MAP3K15: variants seen among roughly 807,000 people sequenced by gnomAD.
MAP3K15 encodes mitogen-activated protein kinase kinase kinase 15, also known as MAPK/ERK kinase kinase 15.
In MAP3K15, 124 loss-of-function variants were observed where a neutral mutation model predicts 99.5. That is an observed-to-expected ratio of 1.25 (90% CI 1.08 to 1.45). The LOEUF (loss-of-function observed/expected upper bound fraction) is 1.45. MAP3K15 is among the 40% of genes most tolerant of loss of function. MAP3K15 has a pLI of 0.00. For missense variants in MAP3K15, 1,242 were observed against 1,079.7 expected, an observed-to-expected ratio of 1.15 and a Z score of -2.11; for synonymous variants, 494 against 439.6, an observed-to-expected ratio of 1.12 and a Z score of -1.55.
At chrX:19,415,875 G>A (rs1459361866) in intron 9 of MAP3K15, among the ~76,000 whole-genome samples, 1 of 111,709 alleles carries the variant, frequency 9.0e-6, no homozygotes, top group African/African-American at 3.3e-5. Flanking sequence ...GACTGTATAT[G>A]GCACCATTCC....
rs1199372295 is a variant in MAP3K15, at chrX:19,448,843, C to T, written c.995+8070G>A. Among the ~76,000 whole-genome samples, 5 of 109,510 alleles carry T rather than the reference C, an allele frequency of 4.6e-5. No homozygotes were observed. The Admixed American group carries it at 4.8e-4, about 11-fold the overall frequency. Reference sequence around the variant, plus strand: ...AGAAGGGCAATTAACATTCATCCAACATTATCTAGGCACCAGACACTATGC... The same window carrying T: ...AGAAGGGCAATTAACATTCATCCAATATTATCTAGGCACCAGACACTATGC... On this transcript the variant is annotated intron_variant, in intron 6 of 28. Coordinates refer to ENST00000338883, the MANE Select transcript of MAP3K15 (RefSeq NM_001001671.4).
Position 19,515,241 on chromosome X carries a change from A to G in MAP3K15, c.21T>C (p.Asn7=). 2 of 887,306 alleles carry G rather than the reference A, an allele frequency of 2.3e-6. No individual in the cohort carries two copies. The highest frequency in any genetic ancestry group is 2.8e-6 in the Non-Finnish European group (2 of 723,728). The allele number at this position is 887,306 out of a possible 1,213,427, so 73.1% of individuals were successfully genotyped here. ...CCGCCCCGAGGGCCCCGGCCGGAGC[A>G]TTCCCACCGCCGCTCTCCATGTGCC... is the stretch of plus-strand genomic sequence containing the variant. MESGGG[N]APAGALGAAS... The change falls in exon 1 of 29, where the codon AAT becomes AAC. Residue 7 remains asparagine, a synonymous_variant. Coordinates refer to ENST00000338883, the MANE Select transcript of MAP3K15 (RefSeq NM_001001671.4).
chrX:19,513,849 G>A (rs141773145), intron 1 of MAP3K15, among the ~76,000 whole-genome samples: 1,478 of 110,791 alleles, frequency 0.013, 11 homozygotes, highest in Non-Finnish European at 0.021. Flanking sequence ...GGGAAAAAAC[G>A]TCAAGCAACA....
rs376243978 is a variant in MAP3K15 at position 19,380,295 on chromosome X, A to T, written c.2432-18T>A. ...CAGGGTGCCTATTTGGAAAACAAAC[A>T]AACAGGCTGTGGGTACCATATTGCT... is the stretch of plus-strand genomic sequence containing the variant. On this transcript the variant is annotated intron_variant, in intron 18 of 28. Coordinates refer to ENST00000338883, the MANE Select transcript of MAP3K15 (RefSeq NM_001001671.4). 1 of 1,206,586 alleles carries T rather than the reference A, an allele frequency of 8.3e-7. No individual in the cohort carries two copies. Among genetic ancestry groups the T allele is most frequent in the East Asian group, 3.0e-5 (1 of 33,689 alleles).
chrX:19,502,109 A>G (rs1432204963), intron 1 of MAP3K15, among the ~76,000 whole-genome samples: 1 of 111,214 alleles, frequency 9.0e-6, no homozygotes, highest in Non-Finnish European at 1.9e-5. Flanking sequence ...CCTGTGAGGA[A>G]AGAAAACCTC....
At chrX:19,386,057 C>T (rs1250920989) in intron 18 of MAP3K15, among the ~76,000 whole-genome samples, 1 of 112,128 alleles carries the variant, frequency 8.9e-6, no homozygotes, top group Admixed American at 9.5e-5. Context: ...TGGGTGTGTA[C>T]ATCAGCTAAC....
intron 7 of MAP3K15, among the ~76,000 whole-genome samples, chrX:19,430,529 T>A (rs2063872538): frequency 1.8e-5 from 2 of 112,006 alleles, no homozygotes; most frequent in Non-Finnish European, 3.8e-5. Context: ...TTTGGGGTTG[T>A]TACGCAGCAA....
At chrX:19,394,789 CTTTTTTTTTTTTTTTTT>C (rs144723219) in intron 16 of MAP3K15, among the ~76,000 whole-genome samples, 22 of 17,519 alleles carry the variant, frequency 1.3e-3, no homozygotes, top group Non-Finnish European at 1.5e-3. Flanking sequence ...GGGTCTGTTG[CTTTTTTTTTTTTTTTTT>C]TTTTTTTTTT....
At chrX:19,490,129 T>A (rs2064357466) in intron 1 of MAP3K15, among the ~76,000 whole-genome samples, 1 of 101,265 alleles carries the variant, frequency 9.9e-6, no homozygotes, top group Non-Finnish European at 2.0e-5. Context: ...TACAGGCATG[T>A]ATAGGCATTA....
At chrX:19,417,505 A>G (rs2063746139) in intron 9 of MAP3K15, among the ~76,000 whole-genome samples, 2 of 111,650 alleles carry the variant, frequency 1.8e-5, no homozygotes, top group Admixed American at 1.9e-4. Flanking sequence ...AGGGGCGCCC[A>G]CCACTGCCGA....
At position 19,386,077 on chromosome X, in the gene MAP3K15, G is replaced by A. The variant is rs534274439; in HGVS notation, c.2432-5800C>T. Among the ~76,000 whole-genome samples the A allele has an allele frequency of 2.6e-4, 29 of 112,064 alleles. No individual in the cohort carries two copies. The South Asian group carries it at 9.3e-3, about 36-fold the overall frequency. On this transcript the variant is annotated intron_variant, in intron 18 of 28. Transcript: ENST00000338883. Reference sequence around the variant, plus strand: ...GTGTACATCAGCTAACCCAAAGGCTGGATTCTGTCAAGAAAACCAAGTGAA... The same window carrying A: ...GTGTACATCAGCTAACCCAAAGGCTAGATTCTGTCAAGAAAACCAAGTGAA...
intron 1 of MAP3K15, among the ~76,000 whole-genome samples, chrX:19,513,689 A>G (rs2064536672): frequency 9.0e-6 from 1 of 111,502 alleles, no homozygotes; most frequent in Non-Finnish European, 1.9e-5. Flanking sequence ...CCCATATCCT[A>G]TCTCATCAGC....
In MAP3K15 at chrX:19,415,251, C is replaced by T. The variant is rs756438585; in HGVS notation, c.1446G>A (p.Leu482=). 2 of 1,167,431 alleles carry T rather than the reference C, an allele frequency of 1.7e-6. No homozygotes were observed. Among genetic ancestry groups the T allele is most frequent in the South Asian group, 3.9e-5 (2 of 51,201 alleles). Reference sequence around the variant, plus strand: ...GTAACAAGTTCTGAACTAATGATCGCAGGTACCTGGAAAAATCACAAACAG... The same window carrying T: ...GTAACAAGTTCTGAACTAATGATCGTAGGTACCTGGAAAAATCACAAACAG... ...LFKLKPPVWY[L]RSLVQNLLLI... Residue 482 remains leucine, a synonymous_variant, in exon 10 of 29, where the codon CTG becomes CTA. Transcript: ENST00000338883.
At chrX:19,373,904 CA>C (rs1332505652) in intron 20 of MAP3K15, among the ~76,000 whole-genome samples, 1 of 111,280 alleles carries the variant, frequency 9.0e-6, no homozygotes, top group African/African-American at 3.3e-5. Flanking sequence ...GTTGCTGAGC[CA>C]CTCACTCTGG....
At chrX:19,382,061 A>G (rs767209000) in intron 18 of MAP3K15, among the ~76,000 whole-genome samples, 5 of 111,012 alleles carry the variant, frequency 4.5e-5, no homozygotes, top group South Asian at 3.8e-4. Context: ...CCTGGCCAAC[A>G]TGGCGAAACC....
intron 3 of MAP3K15, among the ~76,000 whole-genome samples, chrX:19,474,522 G>C (rs1602337442): frequency 1.5e-5 from 1 of 68,625 alleles, no homozygotes; most frequent in African/African-American, 5.6e-5. Flanking sequence ...CTAAACCTGA[G>C]ATCCAGTCAT....
intron 1 of MAP3K15, among the ~76,000 whole-genome samples, chrX:19,490,851 A>C (rs1569242046): frequency 8.9e-6 from 1 of 111,771 alleles, no homozygotes; most frequent in East Asian, 2.8e-4. Flanking sequence ...AATAATGAGC[A>C]TGTTTAAATT....
intron 18 of MAP3K15, among the ~76,000 whole-genome samples, chrX:19,391,786 T>C (rs1442362935): frequency 3.6e-5 from 4 of 109,603 alleles, no homozygotes; most frequent in Non-Finnish European, 5.7e-5. Context: ...AAGAAGAAAG[T>C]AGGGCAATCT....
intron 4 of MAP3K15, among the ~76,000 whole-genome samples, chrX:19,463,184 G>T (rs766889738): frequency 5.6e-4 from 63 of 112,274 alleles, no homozygotes; most frequent in Non-Finnish European, 1.0e-3. Context: ...TTTGCTCTCT[G>T]TGTTGGCATG....
Sources: allele counts gnomAD v4.1 joint callset (sites outside exome capture counted in the v4.1 genomes callset), GRCh38; gene constraint gnomAD v4.1.1; transcripts MANE v1.5; gene names NCBI Gene and HGNC (gene_info 2026-07-23, HGNC 2026-07-21).